The following TBC1D19 variants were observed in gnomAD, a reference collection of about 807,000 sequenced individuals.
The protein encoded by TBC1D19 is TBC1 domain family, member 19.
A neutral mutation model predicts 89.0 loss-of-function variants in TBC1D19; 60 were observed. That is an observed-to-expected ratio of 0.67 (90% CI 0.55 to 0.84). The LOEUF (loss-of-function observed/expected upper bound fraction) is 0.84, where lower values mean the gene tolerates loss of function less well. TBC1D19 is among the 40% of genes least tolerant of loss of function. TBC1D19 has a pLI of 0.00. For missense variants in TBC1D19, 500 were observed against 610.8 expected (o/e 0.82, Z 1.91); for synonymous variants, 189 against 199.7 (o/e 0.95, Z 0.45).
chr4:26,612,357 C>T (rs1741433592), intron 1 of TBC1D19, among the ~76,000 whole-genome samples: 1 of 151,690 alleles, frequency 6.6e-6, no homozygotes, highest in Non-Finnish European at 1.5e-5. Flanking sequence ...AAGTTTCTAA[C>T]TTGGAAGATC....
chr4:26,748,386 A>C (rs1718767174), intron 18 of TBC1D19, 25 bp from the exon 19 acceptor site: 1 of 1,555,494 alleles, frequency 6.4e-7, no homozygotes, highest in South Asian at 1.1e-5. Flanking sequence ...GTGGTACATT[A>C]ATTTTTATTT....
At chr4:26,685,955 A>G (rs1713774568) in intron 12 of TBC1D19, among the ~76,000 whole-genome samples, 1 of 152,188 alleles carries the variant, frequency 6.6e-6, no homozygotes, top group Non-Finnish European at 1.5e-5. Flanking sequence ...AATTTGTTCC[A>G]AGAAGGAAGT....
rs1739256281 is a variant in TBC1D19, at chr4:26,584,120, G to A, written c.-74G>A. On this transcript the variant is annotated 5_prime_UTR_variant, in exon 1 of 21. Transcript: ENST00000264866. ...GTCCCGGAGAAGTGTCACTGGCCCT[G>A]AGTGGGACCCGGTAGCCCGTTCGCT... 4 of 1,469,768 alleles carry A rather than the reference G, an allele frequency of 2.7e-6. No individual in the cohort carries two copies. In the South Asian group the frequency reaches 4.8e-5, roughly 18 times the overall value. 91.0% of individuals were successfully genotyped at this position (1,469,768 alleles called of 1,614,324 possible).
At chr4:26,586,793 A>G (rs1739441341) in intron 1 of TBC1D19, among the ~76,000 whole-genome samples, 1 of 152,152 alleles carries the variant, frequency 6.6e-6, no homozygotes, top group African/African-American at 2.4e-5. Context: ...ATATTAATCT[A>G]TTTACCATGT....
intron 1 of TBC1D19, among the ~76,000 whole-genome samples, chr4:26,612,203 G>A (rs1434062618): frequency 6.6e-6 from 1 of 150,758 alleles, no homozygotes; most frequent in Admixed American, 6.7e-5. Flanking sequence ...TTTTCCAAAG[G>A]ATTTGGCTTT....
intron 11 of TBC1D19, among the ~76,000 whole-genome samples, chr4:26,680,546 G>C (rs1486888521): frequency 2.0e-5 from 3 of 152,026 alleles, no homozygotes; most frequent in Non-Finnish European, 4.4e-5. Context: ...TTCTGTGCTA[G>C]ACTTAATTTT....
At chr4:26,645,809 G>A (rs1560441573) in intron 7 of TBC1D19, among the ~76,000 whole-genome samples, 2 of 152,068 alleles carry the variant, frequency 1.3e-5, no homozygotes, top group African/African-American at 2.4e-5. Context: ...ACATTTACAA[G>A]AAAAAAACAA....
chr4:26,675,707 G>A (rs968086906), intron 11 of TBC1D19, among the ~76,000 whole-genome samples: 1 of 151,972 alleles, frequency 6.6e-6, no homozygotes, highest in African/African-American at 2.4e-5. Flanking sequence ...TTGTTGAATC[G>A]CTTTTCAATC....
intron 11 of TBC1D19, among the ~76,000 whole-genome samples, chr4:26,680,685 AAAGTCACC>A (rs1460549340): frequency 6.6e-6 from 1 of 152,234 alleles, no homozygotes; most frequent in African/African-American, 2.4e-5. Context: ...TACCCTAATT[AAAGTCACC>A]AAGGAATAGT....
intron 7 of TBC1D19, among the ~76,000 whole-genome samples, chr4:26,648,217 C>A (rs1168508067): frequency 1.3e-5 from 2 of 152,118 alleles, no homozygotes; most frequent in African/African-American, 4.8e-5. Flanking sequence ...CAGTTATAAA[C>A]CATCAAGATA....
intron 3 of TBC1D19, among the ~76,000 whole-genome samples, chr4:26,615,068 C>G (rs891021811): frequency 6.6e-6 from 1 of 152,090 alleles, no homozygotes; most frequent in Admixed American, 6.6e-5. Flanking sequence ...ATAACTGAAG[C>G]TTACTAATAT....
chr4:26,623,629 C>T (rs1309040365), intron 4 of TBC1D19, among the ~76,000 whole-genome samples: 1 of 152,126 alleles, frequency 6.6e-6, no homozygotes, highest in Non-Finnish European at 1.5e-5. Flanking sequence ...ATGTCTAAAA[C>T]TGTTTGTGTT....
At position 26,738,924 on chromosome 4, in the gene TBC1D19, C is replaced by T. The variant is rs1489948487; in HGVS notation, c.1118-940C>T. ...TTGCTTACTTAGTGCTTATTGCCCT[C>T]AGAGCATTACCAACAGATTATAGAG... On this transcript the variant is annotated intron_variant, in intron 16 of 20. Transcript: ENST00000264866. 2.0e-5 allele frequency among the ~76,000 whole-genome samples: 3 copies of T among 152,170 alleles called. No individual in the cohort carries two copies. The East Asian group carries it at 5.8e-4, about 29-fold the overall frequency.
At chr4:26,588,753 A>G (rs1417209270) in intron 1 of TBC1D19, among the ~76,000 whole-genome samples, 1 of 152,192 alleles carries the variant, frequency 6.6e-6, no homozygotes, top group Non-Finnish European at 1.5e-5. Flanking sequence ...CAAGAATAAA[A>G]TATGTATGAT....
chr4:26,731,763 A>G (rs1717675243), intron 15 of TBC1D19, among the ~76,000 whole-genome samples: 1 of 152,164 alleles, frequency 6.6e-6, no homozygotes, highest in Non-Finnish European at 1.5e-5. Flanking sequence ...CGTGTCATCA[A>G]TGCCGTGGTA....
intron 13 of TBC1D19, among the ~76,000 whole-genome samples, chr4:26,696,594 C>T (rs1283685348): frequency 2.0e-5 from 3 of 152,164 alleles, no homozygotes; most frequent in African/African-American, 4.8e-5. Context: ...CCAAAATTGA[C>T]CACATAGTTG....
chr4:26,810,857 G>T, the TBC1D19 span, among the ~76,000 whole-genome samples: 1 of 152,174 alleles, frequency 6.6e-6, no homozygotes. Flanking sequence ...ACTACATGGG[G>T]TAGGTTTTTA....
chr4:26,754,586 A>G (rs139363218), intron 20 of TBC1D19, among the ~76,000 whole-genome samples: 20 of 152,320 alleles, frequency 1.3e-4, no homozygotes, highest in Admixed American at 7.8e-4. Flanking sequence ...ATGCTTATTT[A>G]TAGAAGCAAG....
the TBC1D19 span, among the ~76,000 whole-genome samples, chr4:26,762,405 A>G: frequency 6.6e-6 from 1 of 152,172 alleles, no homozygotes; most frequent in South Asian, 2.1e-4. Flanking sequence ...ACATATACTT[A>G]CTCAACAAAC....
Sources: allele counts gnomAD v4.1 joint callset (sites outside exome capture counted in the v4.1 genomes callset), GRCh38; gene constraint gnomAD v4.1.1; transcripts MANE v1.5; gene names NCBI Gene and HGNC (gene_info 2026-07-23, HGNC 2026-07-21).